Variants in ASAP3 observed in about 807,000 individuals in gnomAD.
ASAP3 encodes the protein ArfGAP with SH3 domain, ankyrin repeat and PH domain 3, also known as arf-GAP with SH3 domain, ANK repeat and PH domain-containing protein 3.
ASAP3 carries 85 observed loss-of-function variants against 118.2 expected under a neutral mutation model. The ratio of observed to expected loss-of-function variants is 0.72; its 90% CI spans 0.60 to 0.86. The LOEUF (loss-of-function observed/expected upper bound fraction) is 0.86, where lower values mean the gene tolerates loss of function less well. ASAP3 is among the 40% of genes least tolerant of loss of function. The pLI is 0.00. For missense variants in ASAP3, 1,026 were observed against 1,175.0 expected (o/e 0.87, Z 1.85); for synonymous variants, 432 against 477.4 (o/e 0.90, Z 1.24).
At chr1:23,468,740 T>C (rs969037384) in intron 1 of ASAP3, among the ~76,000 whole-genome samples, 1 of 150,722 alleles carries the variant, frequency 6.6e-6, no homozygotes, top group Non-Finnish European at 1.5e-5. Flanking sequence ...CCGGGTGTGG[T>C]GGCTAATTTT....
At chr1:23,454,311 T>C (rs574561613) in intron 3 of ASAP3, among the ~76,000 whole-genome samples, 1 of 151,944 alleles carries the variant, frequency 6.6e-6, no homozygotes, top group Non-Finnish European at 1.5e-5. Context: ...CTCAGCCTCC[T>C]GAGTAGCTGG....
chr1:23,431,836 C>G lies in ASAP3; in HGVS notation c.2406G>C (p.Leu802=), dbSNP rs1432424017. 6.3e-7 allele frequency: 1 copy of G among 1,583,604 alleles called. No homozygotes were observed. Among genetic ancestry groups the G allele is most frequent in the African/African-American group, 1.4e-5 (1 of 72,756 alleles). Residue 802 remains leucine (L), a synonymous_variant, in exon 23 of 25, where the codon CTG becomes CTC. Coordinates refer to ENST00000336689, the MANE Select transcript of ASAP3 (RefSeq NM_017707.4). ...SLGSPASSSS[L]MSPLEPGDPS... is the part of the protein sequence containing the mutation. ...GATCCCCAGGTTCCAAGGGGCTCAT[C>G]AGACTGGAGGAGGAGGCTGGACTGC... is the stretch of plus-strand genomic sequence containing the variant.
At chr1:23,435,308 C>T (rs186667135) in intron 17 of ASAP3, among the ~76,000 whole-genome samples, 18 of 152,206 alleles carry the variant, frequency 1.2e-4, no homozygotes, top group African/African-American at 3.6e-4. Flanking sequence ...GGATTACAGG[C>T]GTGAGCCACC....
Position 23,484,127 on chromosome 1 carries a change from C to T in ASAP3, c.7G>A (p.Glu3Lys). 1 of 1,288,814 alleles carries T rather than the reference C, an allele frequency of 7.8e-7. No individual in the cohort carries two copies. The highest frequency in any genetic ancestry group is 2.8e-4 in the Middle Eastern group (1 of 3,534). 79.8% of individuals were successfully genotyped at this position (1,288,814 alleles called of 1,614,324 possible). Residue 3 changes from glutamate (E) to lysine (K), a missense_variant, in exon 1 of 25, where the codon GAG becomes AAG. Physicochemically the swap from Glu to Lys is moderately conservative, Grantham distance 56. Transcript: ENST00000336689. ...AGGAACTCGGCGACGCTGAACTGCTCCGGCATGGCGGGCGCGAGCGTGGAG... is the reference window on the plus strand; with the variant it reads ...AGGAACTCGGCGACGCTGAACTGCTTCGGCATGGCGGGCGCGAGCGTGGAG... MP[E>K]QFSVAEFLAV...
intron 1 of ASAP3, among the ~76,000 whole-genome samples, chr1:23,472,142 C>T (rs773275229): frequency 6.6e-6 from 1 of 152,090 alleles, no homozygotes; most frequent in African/African-American, 2.4e-5. Flanking sequence ...TGGAAATGTT[C>T]TGGAATTACA....
Position 23,433,219 on chromosome 1 carries a change from G to A in ASAP3, c.2181C>T (p.Asp727=). ...CAGTCTCATAGGTCTTGTTGCTGATGTCCAGCCTCCCACTGGCCCAGTGAG... is the reference window on the plus strand; with the variant it reads ...CAGTCTCATAGGTCTTGTTGCTGATATCCAGCCTCCCACTGGCCCAGTGAG... ...AQAHWASGRL[D]ISNKTYETVA... is the part of the protein sequence containing the mutation. Residue 727 remains aspartate, a synonymous_variant, in exon 22 of 25, where the codon GAC becomes GAT. Coordinates refer to ENST00000336689, the MANE Select transcript of ASAP3 (RefSeq NM_017707.4). 1.2e-6 allele frequency: 2 copies of A among 1,613,538 alleles called. No homozygotes were observed. Among genetic ancestry groups the A allele is most frequent in the Non-Finnish European group, 1.7e-6 (2 of 1,179,600 alleles).
rs1219139092 is a variant in ASAP3 at position 23,484,159 on chromosome 1, G to C, written c.-26C>G. 6.4e-6 allele frequency: 8 copies of C among 1,255,258 alleles called. No individual in the cohort carries two copies. The highest frequency in any genetic ancestry group is 3.1e-5 in the African/African-American group (2 of 64,174). 77.8% of individuals were successfully genotyped at this position (1,255,258 alleles called of 1,614,324 possible). A position where few individuals can be genotyped will look rare whatever the true frequency, so the allele number is the denominator to read the frequency against. ...GGCGGGCGCGAGCGTGGAGCTGCCG[G>C]AGCGGGGCGCGGGGGGCACTGAGCT... On this transcript the variant is annotated 5_prime_UTR_variant, in exon 1 of 25. Transcript: ENST00000336689.
chr1:23,446,884 G>A (rs1418068997), intron 5 of ASAP3, among the ~76,000 whole-genome samples: 3 of 152,168 alleles, frequency 2.0e-5, no homozygotes, highest in Admixed American at 1.3e-4. Flanking sequence ...CTTGGCACCA[G>A]GGACTGGTTT....
At chr1:23,433,760 C>G (rs80255798) in intron 19 of ASAP3, 67 bp from the exon 20 acceptor site, 20 of 1,599,028 alleles carry the variant, frequency 1.3e-5, no homozygotes, top group Non-Finnish European at 1.6e-5. Context: ...GAGATTAAGA[C>G]GGGCCTCTGG....
chr1:23,443,845 C>T (rs1640958116), intron 5 of ASAP3, among the ~76,000 whole-genome samples: 1 of 151,960 alleles, frequency 6.6e-6, no homozygotes, highest in Non-Finnish European at 1.5e-5. Context: ...CTCAGCCTCC[C>T]GAGTAGGTGG....
chr1:23,436,969 A>ACGCCCAGTT lies in ASAP3; in HGVS notation c.1409_1417dup (p.Glu470_Gly472dup), dbSNP rs1324023220. ...GAGTGACTGCATGCGCGAAAAGCGC[A>ACGCCCAGTT]CGCCCAGTTCGCGGTGGACGCCCGA... is the stretch of plus-strand genomic sequence containing the variant. On this transcript the variant is annotated inframe_insertion, in exon 15 of 25. Coordinates refer to ENST00000336689, the MANE Select transcript of ASAP3 (RefSeq NM_017707.4). The surrounding 1 kb of genome is among the most constrained non-coding windows in gnomAD (Gnocchi z 4.2). The ACGCCCAGTT allele has an allele frequency of 6.2e-7, 1 of 1,612,286 alleles. No homozygotes were observed. Among genetic ancestry groups the ACGCCCAGTT allele is most frequent in the Non-Finnish European group, 8.5e-7 (1 of 1,179,710 alleles).
At chr1:23,483,479 A>G (rs898549428) in intron 1 of ASAP3, among the ~76,000 whole-genome samples, 21 of 152,180 alleles carry the variant, frequency 1.4e-4, no homozygotes, top group African/African-American at 4.6e-4. Context: ...AAACTTGCCA[A>G]CAGCCCGGCC....
intron 3 of ASAP3, among the ~76,000 whole-genome samples, chr1:23,455,052 G>C (rs1419729952): frequency 6.6e-6 from 1 of 152,232 alleles, no homozygotes; most frequent in Non-Finnish European, 1.5e-5. Flanking sequence ...ATGGAGCCTG[G>C]AGGGAGATGA....
rs553768429 is a variant in ASAP3 at position 23,461,672 on chromosome 1, C to G, written c.130-5478G>C. 2.7e-5 allele frequency among the ~76,000 whole-genome samples: 4 copies of G among 147,024 alleles called. No homozygotes were observed. The East Asian group carries it at 7.9e-4, about 29-fold the overall frequency. On this transcript the variant is annotated intron_variant, in intron 1 of 24. Transcript: ENST00000336689. Reference sequence around the variant, plus strand: ...CAAGACCCTGTCTCAAACGCACCCCCCCACAAAAAAAAAAAACAAAAGAAA... The same window carrying G: ...CAAGACCCTGTCTCAAACGCACCCCGCCACAAAAAAAAAAAACAAAAGAAA...
intron 19 of ASAP3, 83 bp from the exon 20 acceptor site, chr1:23,433,776 G>A (rs1362164305): frequency 4.5e-6 from 7 of 1,563,412 alleles, no homozygotes; most frequent in Non-Finnish European, 5.3e-6. Context: ...TCTGGAATCA[G>A]AATGTATGGG....
At chr1:23,475,968 T>TAA (rs796310361) in intron 1 of ASAP3, among the ~76,000 whole-genome samples, 4 of 142,206 alleles carry the variant, frequency 2.8e-5, no homozygotes, top group African/African-American at 1.0e-4. Context: ...AACAAAAAAT[T>TAA]AAAAAAAAAA....
Position 23,484,074 on chromosome 1 carries a change from G to A in ASAP3, c.60C>T (p.Ser20=). ...CGGCGAAGGCGGCGGCCCCAGCCGG[G>A]GAGCTGAGGTCCTCCGCGGTGACGG... ...FLAVTAEDLS[S]PAGAAAFAAK... The change falls in exon 1 of 25, where the codon TCC becomes TCT. Residue 20 remains serine (S), a synonymous_variant. Coordinates refer to ENST00000336689, the MANE Select transcript of ASAP3 (RefSeq NM_017707.4). 1 of 1,350,498 alleles carries A rather than the reference G, an allele frequency of 7.4e-7. No individual in the cohort carries two copies. Among genetic ancestry groups the A allele is most frequent in the Non-Finnish European group, 9.5e-7 (1 of 1,052,682 alleles). The allele number at this position is 1,350,498 out of a possible 1,614,324, so 83.7% of individuals were successfully genotyped here. A position where few individuals can be genotyped will look rare whatever the true frequency, so the allele number is the denominator to read the frequency against.
At chr1:23,434,168 C>T in intron 19 of ASAP3, 86 bp downstream of exon 19, 13 of 1,357,928 alleles carry the variant, frequency 9.6e-6, no homozygotes, top group Non-Finnish European at 1.4e-5. Flanking sequence ...CAGAAGCAAG[C>T]CAGGATTAGA....
At chr1:23,466,405 C>G (rs41521247) in intron 1 of ASAP3, among the ~76,000 whole-genome samples, 8,123 of 152,276 alleles carry the variant, frequency 0.053, 679 homozygotes, top group African/African-American at 0.18. Context: ...GTGTAAGAGA[C>G]ACGTCTGAGC....
Sources: gnomAD v4.1 joint callset for allele counts (sites outside exome capture counted in the v4.1 genomes callset) on GRCh38, gnomAD v4.1.1 for gene constraint, Gnocchi (gnomAD v3.1) non-coding constraint, MANE v1.5 for transcripts, NCBI Gene and HGNC (gene_info 2026-07-23, HGNC 2026-07-21) for gene names.